ANKRD12: variants seen among roughly 807,000 people sequenced by gnomAD.
ANKRD12 encodes the protein ankyrin repeat domain 12.
Under a neutral mutation model 183.4 loss-of-function variants are expected in ANKRD12, and 85 were observed. The ratio of observed to expected loss-of-function variants is 0.46; its 90% CI spans 0.39 to 0.56. ANKRD12 has a LOEUF of 0.56. Among genes scored for constraint, ANKRD12 ranks in the 20% least tolerant of loss-of-function variants. ANKRD12 has a pLI of 0.00. For missense variants in ANKRD12, 2,405 were observed against 2,357.1 expected, an observed-to-expected ratio of 1.02 and a Z score of -0.42; for synonymous variants, 914 against 800.2, an observed-to-expected ratio of 1.14 and a Z score of -2.40.
chr18:9,262,787 CTTTTTTTTTTTT>C (rs71168048), intron 9 of ANKRD12, among the ~76,000 whole-genome samples: 5 of 83,772 alleles, frequency 6.0e-5, no homozygotes, highest in South Asian at 3.6e-4. Flanking sequence ...CAAGATGTCC[CTTTTTTTTTTTT>C]TTTTTTTTTT....
At chr18:9,184,352 AGT>A (rs965928477) in intron 2 of ANKRD12, among the ~76,000 whole-genome samples, 4 of 152,018 alleles carry the variant, frequency 2.6e-5, no homozygotes, top group African/African-American at 9.7e-5. Context: ...GGTTTCTGTC[AGT>A]CTTTTTTTGA....
intron 3 of ANKRD12, among the ~76,000 whole-genome samples, chr18:9,201,995 T>G (rs928092138): frequency 6.6e-5 from 10 of 152,048 alleles, no homozygotes; most frequent in African/African-American, 2.4e-4. Context: ...ACCCAGCTAA[T>G]TTTTGTATTT....
chr18:9,253,553 A>T lies in ANKRD12; in HGVS notation c.944-658A>T, dbSNP rs771310121. The stretch of plus-strand genomic sequence containing the variant: ...GGCTGAATAATATTCCACTGTGTAT[A>T]TGAACCACATTTTCTTTATCCATTC... On this transcript the variant is annotated intron_variant, in intron 8 of 12. Coordinates refer to ENST00000262126, the MANE Select transcript of ANKRD12 (RefSeq NM_015208.5). Among the ~76,000 whole-genome samples, 20 of 152,236 alleles carry T rather than the reference A, an allele frequency of 1.3e-4. 1 individual carries two copies. Among genetic ancestry groups the T allele is most frequent in the Non-Finnish European group, 2.8e-4 (19 of 68,034 alleles).
At chr18:9,192,858 AT>A (rs1286913001) in intron 2 of ANKRD12, among the ~76,000 whole-genome samples, 1 of 151,060 alleles carries the variant, frequency 6.6e-6, no homozygotes, top group African/African-American at 2.4e-5. Flanking sequence ...GTTTTTAAAA[AT>A]TTTTTATGGC....
chr18:9,281,993 T>C lies in ANKRD12; in HGVS notation c.*867T>C, dbSNP rs561407828. On this transcript the variant is annotated 3_prime_UTR_variant, in exon 13 of 13. Transcript: ENST00000262126. ...TCTAGTAGACCTGTGACTTACTGTG[T>C]TGGACATATTATTTAGACTTAGTCA... The C allele has an allele frequency of 1.3e-5, 2 of 152,746 alleles. No individual in the cohort carries two copies. Among genetic ancestry groups the C allele is most frequent in the South Asian group, 4.1e-4 (2 of 4,830 alleles). The allele number at this position is 152,746 out of a possible 1,614,324, so 9.5% of individuals were successfully genotyped here.
chr18:9,164,573 G>C (rs1315844836), intron 1 of ANKRD12, among the ~76,000 whole-genome samples: 1 of 152,162 alleles, frequency 6.6e-6, no homozygotes, highest in Non-Finnish European at 1.5e-5. Context: ...CGTTTTAGCT[G>C]CATCCCAGAG....
At chr18:9,219,417 A>G (rs1269761036) in intron 7 of ANKRD12, among the ~76,000 whole-genome samples, 2 of 152,230 alleles carry the variant, frequency 1.3e-5, no homozygotes, top group African/African-American at 2.4e-5. Flanking sequence ...GGCAGTTTCA[A>G]AGGATAGACC....
chr18:9,236,587 A>AT lies in ANKRD12; in HGVS notation c.943+14590dup, dbSNP rs201932135. Among the ~76,000 whole-genome samples, 1,464 of 152,308 alleles carry AT rather than the reference A, an allele frequency of 9.6e-3. 27 individuals carry two copies. The highest frequency in any genetic ancestry group is 0.034 in the African/African-American group (1,402 of 41,568). On this transcript the variant is annotated intron_variant, in intron 8 of 12. Coordinates refer to ENST00000262126, the MANE Select transcript of ANKRD12 (RefSeq NM_015208.5). Reference sequence around the variant, plus strand: ...TAAATCTCCAAAACATAGAGCAAAAATTCAAAGAGAATCATGAAAGAAAAG... The same window carrying AT: ...TAAATCTCCAAAACATAGAGCAAAAATTTCAAAGAGAATCATGAAAGAAAAG...
intron 2 of ANKRD12, among the ~76,000 whole-genome samples, chr18:9,188,777 GT>G (rs1183093269): frequency 6.6e-6 from 1 of 152,118 alleles, no homozygotes; most frequent in Admixed American, 6.5e-5. Context: ...TGTTGTAGTT[GT>G]TTTGTGGGCA....
chr18:9,263,909 C>T, intron 10 of ANKRD12, 21 bp downstream of exon 10: 1 of 1,381,640 alleles, frequency 7.2e-7, no homozygotes, highest in Non-Finnish European at 9.9e-7. Flanking sequence ...TTTAAATTTA[C>T]ACTTATGCTA....
intron 9 of ANKRD12, chr18:9,259,445 G>A (rs542995116): frequency 6.6e-6 from 1 of 152,138 alleles, no homozygotes; most frequent in Non-Finnish European, 1.5e-5. Flanking sequence ...ACATTTATGT[G>A]TTTACAATAC....
At chr18:9,206,115 C>G (rs751191168) in intron 4 of ANKRD12, among the ~76,000 whole-genome samples, 15 of 152,030 alleles carry the variant, frequency 9.9e-5, no homozygotes, top group Non-Finnish European at 2.1e-4. Flanking sequence ...GTCCATTTCT[C>G]TGTTTGCTTT....
In ANKRD12 at chr18:9,261,150, A is replaced by G. The variant is rs557752537; in HGVS notation, c.5664+2219A>G. Among the ~76,000 whole-genome samples, 31 of 152,236 alleles carry G rather than the reference A, an allele frequency of 2.0e-4. No individual in the cohort carries two copies. The South Asian group carries it at 5.4e-3, about 26-fold the overall frequency. On this transcript the variant is annotated intron_variant, in intron 9 of 12. Transcript: ENST00000262126. ...CTGCTTCCTCAATTCCCTGCCTACA[A>G]TCTTGTCCCCATGGTGTCTGTTCAC...
chr18:9,145,535 G>A lies in ANKRD12; in HGVS notation c.-52+8570G>A, dbSNP rs1386004683. Among the ~76,000 whole-genome samples the A allele has an allele frequency of 4.6e-5, 7 of 152,316 alleles. No individual in the cohort carries two copies. In the East Asian group the frequency reaches 1.3e-3, roughly 29 times the overall value. On this transcript the variant is annotated intron_variant, in intron 1 of 12. Coordinates refer to ENST00000262126, the MANE Select transcript of ANKRD12 (RefSeq NM_015208.5). The stretch of plus-strand genomic sequence containing the variant: ...TCTAGTTGCTGTGGAAAGGAACATG[G>A]TAAGCCATGTAAAGACACGAATCAT...
chr18:9,157,207 T>G (rs2030611154), intron 1 of ANKRD12, among the ~76,000 whole-genome samples: 1 of 152,160 alleles, frequency 6.6e-6, no homozygotes, highest in Non-Finnish European at 1.5e-5. Context: ...ACATCATAGC[T>G]TAGACTAGCC....
chr18:9,212,453 C>G (rs1439861356), intron 6 of ANKRD12, among the ~76,000 whole-genome samples: 1 of 115,152 alleles, frequency 8.7e-6, no homozygotes, highest in African/African-American at 3.1e-5. Flanking sequence ...CTGCAACCTG[C>G]CTTAATGTCT....
chr18:9,276,707 T>G (rs147605014), intron 11 of ANKRD12, among the ~76,000 whole-genome samples: 386 of 150,958 alleles, frequency 2.6e-3, no homozygotes, highest in Non-Finnish European at 4.2e-3. Context: ...AGTGGGACCC[T>G]GTCTCAAAAA....
At chr18:9,261,647 G>C (rs990854555) in intron 9 of ANKRD12, among the ~76,000 whole-genome samples, 1 of 152,212 alleles carries the variant, frequency 6.6e-6, no homozygotes. Context: ...ATGACGACGA[G>C]AGTAATGGCA....
At chr18:9,266,626 TAGAA>T (rs2039305182) in intron 10 of ANKRD12, among the ~76,000 whole-genome samples, 1 of 152,056 alleles carries the variant, frequency 6.6e-6, no homozygotes, top group South Asian at 2.1e-4. Context: ...GCACTAAACA[TAGAA>T]AGGAACAACC....
Sources: gnomAD v4.1 joint callset for allele counts (sites outside exome capture counted in the v4.1 genomes callset) on GRCh38, gnomAD v4.1.1 for gene constraint, MANE v1.5 for transcripts, NCBI Gene and HGNC (gene_info 2026-07-23, HGNC 2026-07-21) for gene names.